FAM53B: variants seen among roughly 807,000 people sequenced by gnomAD.
The protein encoded by FAM53B is family with sequence similarity 53 member B.
Under a neutral mutation model 32.7 loss-of-function variants are expected in FAM53B, and 12 were observed. The ratio of observed to expected loss-of-function variants is 0.37; its 90% confidence interval spans 0.24 to 0.59. FAM53B has a LOEUF of 0.59. Ranked by LOEUF, FAM53B falls within the 20% of genes least tolerant of loss-of-function variation. The pLI, the probability that FAM53B is intolerant of heterozygous loss-of-function variation, is 0.72. For missense variants in FAM53B, 477 were observed against 577.7 expected (o/e 0.83, Z 1.79); for synonymous variants, 234 against 228.7 (o/e 1.02, Z -0.21).
chr10:124,666,955 C>T (rs948739147), intron 4 of FAM53B, among the ~76,000 whole-genome samples: 2 of 152,220 alleles, frequency 1.3e-5, no homozygotes, highest in Non-Finnish European at 2.9e-5. Context: ...CCCAGCCCCT[C>T]CTTTACCAGC....
chr10:124,626,260 T>G (rs1276829768), intron 4 of FAM53B, among the ~76,000 whole-genome samples: 1 of 152,208 alleles, frequency 6.6e-6, no homozygotes, highest in African/African-American at 2.4e-5. Context: ...GCTCACCCTC[T>G]CGGTCCTGCT....
intron 3 of FAM53B, among the ~76,000 whole-genome samples, chr10:124,695,008 G>A (rs1331346117): frequency 6.6e-6 from 1 of 152,214 alleles, no homozygotes; most frequent in Non-Finnish European, 1.5e-5. Context: ...GCCACTGGCA[G>A]AGCCAGCGGG....
intron 4 of FAM53B, among the ~76,000 whole-genome samples, chr10:124,630,852 A>G (rs1949386480): frequency 6.6e-6 from 1 of 152,254 alleles, no homozygotes; most frequent in South Asian, 2.1e-4. Flanking sequence ...CATGCCAGCC[A>G]GACTGTGGTC....
chr10:124,728,097 A>G (rs1420236437), intron 1 of FAM53B, among the ~76,000 whole-genome samples: 2 of 152,138 alleles, frequency 1.3e-5, no homozygotes, highest in African/African-American at 4.8e-5. Context: ...GAAGATCTCC[A>G]TGGACTCGCT....
rs1949772914 is a variant in FAM53B, at chr10:124,681,631, A to C, written c.882T>G (p.Ser294=). The C allele has an allele frequency of 6.2e-7, 1 of 1,608,974 alleles. No homozygotes were observed. Among genetic ancestry groups the C allele is most frequent in the Non-Finnish European group, 8.5e-7 (1 of 1,177,300 alleles). The change falls in exon 4 of 5, where the codon TCT becomes TCG. Residue 294 remains serine, a synonymous_variant. Coordinates refer to ENST00000337318, the MANE Select transcript of FAM53B (RefSeq NM_014661.4). ...CCTGTGCCATCTTGGCAAGGTCTAG[A>C]GAAGGCCTCTGCTCTTGCACTTCTT... ...RPEEVQEQRP[S]LDLAKMAQNC...
chr10:124,702,389 CA>C (rs1012668909), intron 2 of FAM53B, among the ~76,000 whole-genome samples: 4 of 152,250 alleles, frequency 2.6e-5, no homozygotes, highest in African/African-American at 9.6e-5. Flanking sequence ...GCTGGCTGTT[CA>C]AAGCAAATGC....
chr10:124,660,544 T>TG (rs546215211), intron 4 of FAM53B, among the ~76,000 whole-genome samples: 16 of 152,194 alleles, frequency 1.1e-4, no homozygotes, highest in African/African-American at 3.6e-4. Context: ...GCTTATCACC[T>TG]GGGGGGGCAT....
chr10:124,636,229 T>C (rs1370069251), intron 4 of FAM53B, among the ~76,000 whole-genome samples: 1 of 152,234 alleles, frequency 6.6e-6, no homozygotes, highest in African/African-American at 2.4e-5. Context: ...TCTCTCGATG[T>C]TTCTCTACCA....
intron 4 of FAM53B, among the ~76,000 whole-genome samples, chr10:124,657,241 T>G (rs1949599007): frequency 6.6e-6 from 1 of 151,230 alleles, no homozygotes; most frequent in Non-Finnish European, 1.5e-5. Flanking sequence ...AAACTGTGTC[T>G]GCTTTTCATA....
chr10:124,645,330 C>T (rs1303081224), intron 4 of FAM53B, among the ~76,000 whole-genome samples: 1 of 152,248 alleles, frequency 6.6e-6, no homozygotes. Context: ...GAACAGTAAT[C>T]ATTGAGAGCA....
rs780670527 is a variant in FAM53B, at chr10:124,682,094, G to A, written c.419C>T (p.Pro140Leu). Residue 140 changes from proline to leucine, a missense_variant, in exon 4 of 5, where the codon CCC becomes CTC. Pro to Leu is a moderately conservative substitution (Grantham distance 98). Around this residue, in one of 2 missense-constraint regions of FAM53B, gnomAD observed 312 missense variants for 420.2 expected, o/e 0.74. Coordinates refer to ENST00000337318, the MANE Select transcript of FAM53B (RefSeq NM_014661.4). The surrounding 1 kb of genome is among the most constrained non-coding windows in gnomAD (Gnocchi z 5.2). ...WRPLGSKVWTPVEKRRCYSGG... is the reference protein window; with the variant it reads ...WRPLGSKVWTLVEKRRCYSGG... Reference sequence around the variant, plus strand: ...GCTGTAGCAGCGTCTCTTTTCCACGGGAGTCCAGACTTTGGAGCCCAAGGG... The same window carrying A: ...GCTGTAGCAGCGTCTCTTTTCCACGAGAGTCCAGACTTTGGAGCCCAAGGG... 6.2e-7 allele frequency: 1 copy of A among 1,613,800 alleles called. No homozygotes were observed. The highest frequency in any genetic ancestry group is 8.5e-7 in the Non-Finnish European group (1 of 1,179,902).
chr10:124,704,775 A>C (rs542887243), intron 2 of FAM53B, among the ~76,000 whole-genome samples: 1 of 152,332 alleles, frequency 6.6e-6, no homozygotes, highest in South Asian at 2.1e-4. Flanking sequence ...TGCTACACAG[A>C]GAAGGACAGC....
chr10:124,632,871 G>C (rs1949400511), intron 4 of FAM53B, among the ~76,000 whole-genome samples: 2 of 152,240 alleles, frequency 1.3e-5, no homozygotes, highest in African/African-American at 4.8e-5. Flanking sequence ...GGACGGTGGG[G>C]TAGTATGGGC....
chr10:124,740,180 G>T (rs1302473265), intron 1 of FAM53B, among the ~76,000 whole-genome samples: 2 of 152,124 alleles, frequency 1.3e-5, no homozygotes, highest in African/African-American at 2.4e-5. Flanking sequence ...AACTTTCTTA[G>T]ATAAGAATCC....
rs559204133 is a variant in FAM53B at position 124,646,378 on chromosome 10, T to G, written c.907-22774A>C. On this transcript the variant is annotated intron_variant, in intron 4 of 4. Coordinates refer to ENST00000337318, the MANE Select transcript of FAM53B (RefSeq NM_014661.4). The stretch of plus-strand genomic sequence containing the variant: ...TGGGCTCAAACATCTTCCCCAGGCC[T>G]CTAATGCCTGACAGGAGAGAGGAGG... 2.7e-4 allele frequency among the ~76,000 whole-genome samples: 41 copies of G among 152,348 alleles called. No homozygotes were observed. The Middle Eastern group carries it at 0.01, about 38-fold the overall frequency.
chr10:124,706,424 C>G (rs3781447), intron 2 of FAM53B, among the ~76,000 whole-genome samples: 7,736 of 152,276 alleles, frequency 0.051, 247 homozygotes, highest in East Asian at 0.12. Flanking sequence ...ACCAGATGAC[C>G]TCAAATCTGA....
intron 4 of FAM53B, among the ~76,000 whole-genome samples, chr10:124,633,225 T>G (rs1589731471): frequency 7.9e-6 from 1 of 126,036 alleles, no homozygotes; most frequent in Non-Finnish European, 1.6e-5. Context: ...AATGAACTTA[T>G]AAGAACTGGG....
intron 1 of FAM53B, among the ~76,000 whole-genome samples, chr10:124,736,538 G>A (rs1355917233): frequency 6.6e-6 from 1 of 152,278 alleles, no homozygotes; most frequent in African/African-American, 2.4e-5. Context: ...CCAGCGGACA[G>A]AACCTCCCTC....
rs540577752 is a variant in FAM53B, at chr10:124,655,571, C to A, written c.906+26036G>T. On this transcript the variant is annotated intron_variant, in intron 4 of 4. Transcript: ENST00000337318. ...TCTCCTTGGGGTGAGCGTGGCCACT[C>A]CAGGTAACGCCCACTGTCATCCAGG... is the stretch of plus-strand genomic sequence containing the variant. 9.2e-4 allele frequency among the ~76,000 whole-genome samples: 140 copies of A among 152,242 alleles called. 1 individual carries two copies. In the South Asian group the frequency reaches 0.013, roughly 14 times the overall value.
Sources: allele counts gnomAD v4.1 joint callset (sites outside exome capture counted in the v4.1 genomes callset), GRCh38; gene constraint gnomAD v4.1.1; regional missense constraint gnomAD v4.1.1; non-coding constraint Gnocchi (gnomAD v3.1); transcripts MANE v1.5; gene names NCBI Gene and HGNC (gene_info 2026-07-23, HGNC 2026-07-21).